The following CYREN variants were observed in gnomAD, a reference collection of about 807,000 sequenced individuals.
CYREN encodes cell cycle regulator of NHEJ.
Under a neutral mutation model 9.7 loss-of-function variants are expected in CYREN, and 7 were observed. That is an observed-to-expected ratio of 0.72 (90% CI 0.41 to 1.36). CYREN has a LOEUF of 1.36. CYREN is among the 40% of genes most tolerant of loss of function. The probability of loss-of-function intolerance (pLI) is 0.01; values close to 1 mark genes in which losing one functional copy is unlikely to be tolerated. For missense variants in CYREN, 215 were observed against 198.1 expected (o/e 1.09, Z -0.51); for synonymous variants, 76 against 77.9 (o/e 0.98, Z 0.13).
intron 2 of CYREN, among the ~76,000 whole-genome samples, chr7:135,154,947 C>G (rs915820514): frequency 6.6e-6 from 1 of 151,992 alleles, no homozygotes; most frequent in African/African-American, 2.4e-5. Flanking sequence ...GTTAAAAGTC[C>G]CCTACAGTTA....
intron 2 of CYREN, chr7:135,128,954 T>C (rs1319717579): frequency 3.2e-6 from 5 of 1,575,116 alleles, no homozygotes; most frequent in Non-Finnish European, 4.4e-6. Context: ...AGAAGCTGGG[T>C]AGTGAATGCA....
chr7:135,112,769 T>G (rs1382841119), intron 2 of CYREN, among the ~76,000 whole-genome samples: 1 of 152,190 alleles, frequency 6.6e-6, no homozygotes, highest in South Asian at 2.1e-4. Context: ...AAGCATTCAC[T>G]GAATGTTTAT....
intron 2 of CYREN, among the ~76,000 whole-genome samples, chr7:135,105,145 C>T (rs1483174592): frequency 6.7e-6 from 1 of 148,208 alleles, no homozygotes; most frequent in Non-Finnish European, 1.5e-5. Flanking sequence ...TCTTGGCTCA[C>T]TGCAACCTCC....
At chr7:135,128,604 T>C (rs1828286777) in intron 2 of CYREN, 3 of 778,648 alleles carry the variant, frequency 3.9e-6, no homozygotes, top group East Asian at 4.9e-5. Context: ...ATCTGCTCTA[T>C]GGGAAGAACA....
rs1829369011 is a variant in CYREN, at chr7:135,137,322, ACAATGT to A, written n.356+31421_356+31426del. 2.0e-5 allele frequency among the ~76,000 whole-genome samples: 3 copies of A among 152,116 alleles called. No homozygotes were observed. In the South Asian group the frequency reaches 6.2e-4, roughly 31 times the overall value. ...TGAGGAAAGAGTCAGTATGCTTAAA[ACAATGT>A]CAATAGAAACTAGCAAAACTTAAAT... On this transcript the variant is annotated intron_variant and non_coding_transcript_variant, in intron 2 of 2. Coordinates refer to the CYREN transcript ENST00000459937.
At chr7:135,139,452 G>GT (rs1829413807) in intron 2 of CYREN, among the ~76,000 whole-genome samples, 2 of 150,420 alleles carry the variant, frequency 1.3e-5, no homozygotes, top group Admixed American at 1.3e-4. Flanking sequence ...TGCTTGTTAC[G>GT]TTTTTTATAG....
At chr7:135,162,698 C>T (rs895258139), downstream of CYREN, among the ~76,000 whole-genome samples, 2 of 152,202 alleles carry the variant, frequency 1.3e-5, no homozygotes, top group African/African-American at 4.8e-5. Flanking sequence ...CTGGGTCCCT[C>T]CCACAATGTG....
downstream of CYREN, among the ~76,000 whole-genome samples, chr7:135,161,963 C>T (rs1195893935): frequency 6.6e-6 from 1 of 152,216 alleles, no homozygotes; most frequent in Non-Finnish European, 1.5e-5. This position sits in a 1 kb window ranked among gnomAD's most constrained non-coding sequence, Gnocchi z 4.1. Flanking sequence ...GTGTGGACCC[C>T]ACCCTTACTG....
chr7:135,147,668 T>C (rs1049208176), intron 2 of CYREN: 2 of 418,786 alleles, frequency 4.8e-6, no homozygotes, highest in Admixed American at 2.8e-5. Context: ...CTAAAAGGGG[T>C]TGGGGGACAG....
At chr7:135,122,295 C>T (rs1433907581) in intron 2 of CYREN, among the ~76,000 whole-genome samples, 1 of 152,238 alleles carries the variant, frequency 6.6e-6, no homozygotes, top group Non-Finnish European at 1.5e-5. Context: ...CTCTTCAGGC[C>T]TGACCCTGAC....
At chr7:135,115,894 T>G (rs1826249176) in intron 2 of CYREN, 1 of 274,854 alleles carries the variant, frequency 3.6e-6, no homozygotes, top group African/African-American at 2.2e-5. Context: ...ATAGCCTGAT[T>G]TGAAAATTAT....
At chr7:135,145,764 A>C (rs1488472081) in intron 2 of CYREN, among the ~76,000 whole-genome samples, 1 of 152,166 alleles carries the variant, frequency 6.6e-6, no homozygotes, top group Admixed American at 6.5e-5. Context: ...CCTCGGAGAT[A>C]TGTTGCAGGT....
chr7:135,137,910 C>G (rs890453436), intron 2 of CYREN, among the ~76,000 whole-genome samples: 2 of 151,998 alleles, frequency 1.3e-5, no homozygotes, highest in East Asian at 1.9e-4. Flanking sequence ...TCCCACGTCT[C>G]TTCTTATGAT....
chr7:135,153,586 T>C (rs916959673), intron 2 of CYREN, among the ~76,000 whole-genome samples: 2 of 152,172 alleles, frequency 1.3e-5, no homozygotes, highest in Admixed American at 6.5e-5. Flanking sequence ...GAAAACAGTA[T>C]GGAGATTTCT....
At chr7:135,126,828 G>A (rs1390791074) in intron 2 of CYREN, among the ~76,000 whole-genome samples, 1 of 152,170 alleles carries the variant, frequency 6.6e-6, no homozygotes, top group Non-Finnish European at 1.5e-5. Flanking sequence ...GCAGAAAACT[G>A]AAACTGGACC....
At chr7:135,096,169 CT>C (rs1479131692) in intron 2 of CYREN, among the ~76,000 whole-genome samples, 1 of 150,182 alleles carries the variant, frequency 6.7e-6, no homozygotes, top group Non-Finnish European at 1.5e-5. Flanking sequence ...AAAAATTAAT[CT>C]TTGACTTTAC....
intron 2 of CYREN, among the ~76,000 whole-genome samples, chr7:135,132,953 TA>T (rs1355451758): frequency 6.6e-6 from 1 of 151,942 alleles, no homozygotes; most frequent in Non-Finnish European, 1.5e-5. Flanking sequence ...AATAAAAAAA[TA>T]AAAAGCATAC....
chr7:135,138,341 G>A (rs922185437), intron 2 of CYREN, among the ~76,000 whole-genome samples: 1 of 151,952 alleles, frequency 6.6e-6, no homozygotes, highest in Non-Finnish European at 1.5e-5. Context: ...CAATAACAGT[G>A]TATTCAGAAA....
intron 2 of CYREN, among the ~76,000 whole-genome samples, chr7:135,120,956 C>A (rs1039010131): frequency 1.3e-5 from 2 of 152,178 alleles, no homozygotes; most frequent in African/African-American, 4.8e-5. Context: ...GTAATCCCAG[C>A]ACCTTGGGAG....
Sources: allele counts gnomAD v4.1 joint callset (sites outside exome capture counted in the v4.1 genomes callset), GRCh38; gene constraint gnomAD v4.1.1; non-coding constraint Gnocchi (gnomAD v3.1); transcripts MANE v1.5; gene names NCBI Gene and HGNC (gene_info 2026-07-23, HGNC 2026-07-21).